The following STEAP3 variants were observed in gnomAD, a reference collection of about 807,000 sequenced individuals.
STEAP3 encodes the protein STEAP3 metalloreductase.
In STEAP3, 35 loss-of-function variants were observed where a neutral mutation model predicts 34.9. The observed-to-expected ratio is 1.00, with a 90% confidence interval of 0.76 to 1.33. The LOEUF is 1.33. Among genes scored for constraint, STEAP3 ranks in the 40% most tolerant of loss-of-function variants. The pLI is 0.00. For synonymous variants in STEAP3, 281 were observed against 301.6 expected, an observed-to-expected ratio of 0.93 and a Z score of 0.71; for missense variants, 652 against 667.6, an observed-to-expected ratio of 0.98 and a Z score of 0.26.
intron 2 of STEAP3, among the ~76,000 whole-genome samples, chr2:119,236,861 C>T (rs1558744842): frequency 1.3e-5 from 2 of 152,122 alleles, no homozygotes; most frequent in Admixed American, 6.5e-5. Flanking sequence ...TCCCCTGGGC[C>T]CTGGAATGGC....
At chr2:119,262,964 T>G (rs1003178106) in intron 5 of STEAP3, 93 bp from the exon 6 acceptor site, 2 of 1,542,256 alleles carry the variant, frequency 1.3e-6, no homozygotes, top group African/African-American at 2.7e-5. Flanking sequence ...GCCACCCTCC[T>G]TCCCCTCCGC....
At chr2:119,250,859 G>A (rs1308550217) in intron 4 of STEAP3, among the ~76,000 whole-genome samples, 1 of 152,180 alleles carries the variant, frequency 6.6e-6, no homozygotes, top group Non-Finnish European at 1.5e-5. Context: ...CCCTGGTGAG[G>A]TTGCCAGGCA....
chr2:119,231,152 G>A (rs1224587998), intron 2 of STEAP3, 118 bp downstream of exon 2: 3 of 1,395,742 alleles, frequency 2.1e-6, no homozygotes, highest in South Asian at 2.4e-5. Flanking sequence ...ATCTCCAGGA[G>A]GTCCGAGGAA....
At chr2:119,227,333 C>T (rs2104784708) in intron 1 of STEAP3, among the ~76,000 whole-genome samples, 1 of 152,342 alleles carries the variant, frequency 6.6e-6, no homozygotes, top group African/African-American at 2.4e-5. Flanking sequence ...AACCCAGGGG[C>T]AGAGTGTGTT....
chr2:119,242,221 C>T (rs1023847228), intron 2 of STEAP3, among the ~76,000 whole-genome samples: 3 of 152,156 alleles, frequency 2.0e-5, no homozygotes, highest in Non-Finnish European at 2.9e-5. Context: ...CAGAGGGTTC[C>T]TACTTAGGAT....
intron 2 of STEAP3, among the ~76,000 whole-genome samples, chr2:119,236,200 A>C (rs1677090016): frequency 6.6e-6 from 1 of 152,256 alleles, no homozygotes; most frequent in East Asian, 1.9e-4. Context: ...AAAGATTTAC[A>C]AAATATCCTA....
rs376296723 is a variant in STEAP3 at position 119,253,665 on chromosome 2, G to A, written c.1051-1019G>A. On this transcript the variant is annotated intron_variant, in intron 4 of 5. Transcript: ENST00000393110. ...TTGACTTCCAGGAACTCTGCTACCC[G>A]GTCTAGTTGCACCTTGATAAAAGTT... Among the ~76,000 whole-genome samples, 7 of 152,272 alleles carry A rather than the reference G, an allele frequency of 4.6e-5. No homozygotes were observed. In the South Asian group the frequency reaches 1.4e-3, roughly 32 times the overall value.
rs1158933167 is a variant in STEAP3 at position 119,264,860 on chromosome 2, C to T, written c.*1522C>T. 1.3e-5 allele frequency: 2 copies of T among 150,618 alleles called. No individual in the cohort carries two copies. The highest frequency in any genetic ancestry group is 5.0e-5 in the African/African-American group (2 of 40,126). The allele number at this position is 150,618 out of a possible 1,614,324, so 9.3% of individuals were successfully genotyped here. ...CATGTCTATGCAGCACATAAGGGTT[C>T]TTCAGTGAAAAGCAGGAGAAGAGCC... On this transcript the variant is annotated 3_prime_UTR_variant, in exon 6 of 6. Transcript: ENST00000393110.
At chr2:119,229,885 C>CCTGTGTTAGACTCCGT (rs1412383657) in intron 1 of STEAP3, among the ~76,000 whole-genome samples, 28 of 133,984 alleles carry the variant, frequency 2.1e-4, no homozygotes, top group Non-Finnish European at 3.0e-4. Context: ...TTAGACTCCG[C>CCTGTGTTAGACTCCGT]GGAGATTCAG....
At chr2:119,229,857 C>T (rs1387978193) in intron 1 of STEAP3, among the ~76,000 whole-genome samples, 2 of 138,148 alleles carry the variant, frequency 1.4e-5, no homozygotes, top group African/African-American at 3.0e-5. Flanking sequence ...GAAGTCAGTC[C>T]CTGCCTACAG....
rs1573588864 is a variant in STEAP3, at chr2:119,263,356, C to T, written c.*18C>T. On this transcript the variant is annotated 3_prime_UTR_variant, in exon 6 of 6. Coordinates refer to ENST00000393110, the MANE Select transcript of STEAP3 (RefSeq NM_182915.3). ...ACGTATGAGGTGCCTGCCCTGGGCT[C>T]TGGACCCCGGGCACACGAGGGACGG... 6.2e-7 allele frequency: 1 copy of T among 1,607,918 alleles called. No homozygotes were observed. The highest frequency in any genetic ancestry group is 8.5e-7 in the Non-Finnish European group (1 of 1,177,448).
At chr2:119,224,054 G>A (rs1678955122) in intron 1 of STEAP3, among the ~76,000 whole-genome samples, 166 bp downstream of exon 1, 1 of 152,234 alleles carries the variant, frequency 6.6e-6, no homozygotes, top group African/African-American at 2.4e-5. Flanking sequence ...CCCGGCGGCA[G>A]AGAAACCGGG....
chr2:119,255,044 C>A lies in STEAP3; in HGVS notation c.1215+196C>A, dbSNP rs1002330143. Reference sequence around the variant, plus strand: ...AGGGGCTGCCTGCTACAAGCTTAACCTCCCAACACATGAGGAAGCCAGACA... The same window carrying A: ...AGGGGCTGCCTGCTACAAGCTTAACATCCCAACACATGAGGAAGCCAGACA... On this transcript the variant is annotated intron_variant, in intron 5 of 5. Coordinates refer to ENST00000393110, the MANE Select transcript of STEAP3 (RefSeq NM_182915.3). Among the ~76,000 whole-genome samples the A allele has an allele frequency of 2.6e-4, 40 of 152,194 alleles. 1 individual carries two copies. The highest frequency in any genetic ancestry group is 1.5e-4 in the Non-Finnish European group (10 of 68,036).
chr2:119,233,801 C>T (rs898717047), intron 2 of STEAP3, among the ~76,000 whole-genome samples: 6 of 152,206 alleles, frequency 3.9e-5, no homozygotes, highest in African/African-American at 1.2e-4. Flanking sequence ...AGCTGCTCCC[C>T]GGGCTGCCTG....
intron 2 of STEAP3, among the ~76,000 whole-genome samples, chr2:119,241,131 G>A (rs139758449): frequency 2.0e-5 from 3 of 151,402 alleles, no homozygotes; most frequent in African/African-American, 7.3e-5. Context: ...AGTCAGAAAT[G>A]AGCTCTGAGC....
At position 119,263,101 on chromosome 2, in the gene STEAP3, G is replaced by A. The variant is rs200025915; in HGVS notation, c.1260G>A (p.Thr420=). 43 of 1,610,882 alleles carry A rather than the reference G, an allele frequency of 2.7e-5. No homozygotes were observed. The highest frequency in any genetic ancestry group is 3.3e-5 in the South Asian group (3 of 91,052). ...FVALVLSTLH[T]LTYGWTRAFE... is the part of the protein sequence containing the mutation. ...CCCTCGTGCTGAGCACACTGCACAC[G>A]CTCACCTACGGCTGGACCCGCGCCT... The change falls in exon 6 of 6, where the codon ACG becomes ACA. Residue 420 remains threonine, a synonymous_variant. Transcript: ENST00000393110.
At chr2:119,238,497 C>A (rs113645496) in intron 2 of STEAP3, among the ~76,000 whole-genome samples, 1 of 152,032 alleles carries the variant, frequency 6.6e-6, no homozygotes, top group Non-Finnish European at 1.5e-5. Flanking sequence ...TTTTTAATAC[C>A]GAGGTGTAAG....
At chr2:119,235,596 TGAC>T (rs1333136739) in intron 2 of STEAP3, among the ~76,000 whole-genome samples, 1 of 152,242 alleles carries the variant, frequency 6.6e-6, no homozygotes, top group African/African-American at 2.4e-5. Flanking sequence ...GTCCTCCAGG[TGAC>T]CCTGATGCAG....
chr2:119,226,432 T>C (rs1679041410), intron 1 of STEAP3, among the ~76,000 whole-genome samples: 1 of 152,126 alleles, frequency 6.6e-6, no homozygotes, highest in Admixed American at 6.5e-5. Context: ...GTTTAAGTAG[T>C]TATTAAAACC....
Sources: allele counts gnomAD v4.1 joint callset (sites outside exome capture counted in the v4.1 genomes callset), GRCh38; gene constraint gnomAD v4.1.1; transcripts MANE v1.5; gene names NCBI Gene and HGNC (gene_info 2026-07-23, HGNC 2026-07-21).